The following MALRD1 variants were observed in gnomAD, a reference collection of about 807,000 sequenced individuals.
MALRD1 encodes the protein MAM and LDL receptor class A domain containing 1, also known as MAM and LDL-receptor class A domain-containing protein 1.
In MALRD1, 247 loss-of-function variants were observed where a neutral mutation model predicts 242.1. That is an observed-to-expected ratio of 1.02 (90% CI 0.92 to 1.13). MALRD1 has a LOEUF of 1.13. Among genes scored for constraint, MALRD1 ranks in the 50% most tolerant of loss-of-function variants. The pLI, the probability that MALRD1 is intolerant of heterozygous loss-of-function variation, is 0.00. For missense variants in MALRD1, 2,989 were observed against 2,533.1 expected, an observed-to-expected ratio of 1.18 and a Z score of -3.86; for synonymous variants, 995 against 866.6, an observed-to-expected ratio of 1.15 and a Z score of -2.60.
chr10:19,334,028 G>A lies in MALRD1; in HGVS notation c.3901+2446G>A, dbSNP rs189792323. On this transcript the variant is annotated intron_variant, in intron 24 of 39. Coordinates refer to ENST00000454679, the MANE Select transcript of MALRD1 (RefSeq NM_001142308.3). ...TTGCTGAATTGACTAAATTCTTTAT[G>A]GATTCAGGAAAGTAGACCTTTGTTG... Among the ~76,000 whole-genome samples the A allele has an allele frequency of 3.9e-3, 590 of 150,824 alleles. 7 individuals are homozygous for A. Among genetic ancestry groups the A allele is most frequent in the African/African-American group, 0.013 (550 of 41,110 alleles).
intron 19 of MALRD1, among the ~76,000 whole-genome samples, chr10:19,258,149 T>C (rs1839600882): frequency 6.6e-6 from 1 of 152,160 alleles, no homozygotes; most frequent in Non-Finnish European, 1.5e-5. Context: ...GCACTTTAAA[T>C]ATTTCTAACA....
chr10:19,160,462 T>A (rs570148149), intron 12 of MALRD1, among the ~76,000 whole-genome samples: 3,095 of 64,298 alleles, frequency 0.048, 131 homozygotes, highest in Middle Eastern at 0.089. Context: ...GGTATCAGAA[T>A]GATGCTGGCC....
intron 28 of MALRD1, among the ~76,000 whole-genome samples, chr10:19,444,926 A>G (rs3123149): frequency 0.7 from 106,956 of 152,032 alleles, 37,711 homozygotes; most frequent in Non-Finnish European, 0.74. Context: ...CATTCTCCCC[A>G]TCACTTTCAG....
chr10:19,511,378 T>G (rs1387864022), intron 31 of MALRD1, among the ~76,000 whole-genome samples: 1 of 152,164 alleles, frequency 6.6e-6, no homozygotes, highest in African/African-American at 2.4e-5. Flanking sequence ...CAGTTCCCTT[T>G]AAGATGTCTT....
intron 18 of MALRD1, among the ~76,000 whole-genome samples, chr10:19,227,527 G>T (rs1337797624): frequency 6.6e-6 from 1 of 151,814 alleles, no homozygotes; most frequent in Non-Finnish European, 1.5e-5. Context: ...TTACTGAATA[G>T]GAAAAATTTT....
intron 21 of MALRD1, among the ~76,000 whole-genome samples, chr10:19,306,312 C>T (rs1340155424): frequency 3.8e-5 from 5 of 133,014 alleles, no homozygotes; most frequent in South Asian, 2.3e-4. Flanking sequence ...GTATATATAC[C>T]GTATATAGTA....
intron 33 of MALRD1, among the ~76,000 whole-genome samples, chr10:19,585,623 A>C (rs1238922169): frequency 6.6e-6 from 1 of 151,934 alleles, no homozygotes; most frequent in African/African-American, 2.4e-5. Context: ...TTCCCTTTGT[A>C]GGTAACCCGA....
intron 32 of MALRD1, among the ~76,000 whole-genome samples, chr10:19,563,124 G>A (rs1446650730): frequency 6.6e-6 from 1 of 152,086 alleles, no homozygotes; most frequent in Non-Finnish European, 1.5e-5. Flanking sequence ...TTAATGGATT[G>A]TTTGATCTCT....
At chr10:19,265,793 C>G (rs897797685) in intron 19 of MALRD1, among the ~76,000 whole-genome samples, 39 of 152,162 alleles carry the variant, frequency 2.6e-4, no homozygotes, top group African/African-American at 8.9e-4. Context: ...TCTATATGAT[C>G]TATCCATTGT....
At chr10:19,263,333 C>A (rs540044658) in intron 19 of MALRD1, among the ~76,000 whole-genome samples, 1 of 152,248 alleles carries the variant, frequency 6.6e-6, no homozygotes, top group Admixed American at 6.5e-5. Flanking sequence ...TAATAGACAT[C>A]CTAACAGATG....
intron 26 of MALRD1, among the ~76,000 whole-genome samples, chr10:19,370,701 C>T (rs10827325): frequency 0.57 from 86,641 of 151,674 alleles, 24,933 homozygotes; most frequent in Middle Eastern, 0.62. Flanking sequence ...TCTCAACCTC[C>T]TGGGTACCTG....
chr10:19,595,181 C>CTCTCTT lies in MALRD1; in HGVS notation c.5681-11_5681-6dup. On this transcript the variant is annotated splice_polypyrimidine_tract_variant and intron_variant, in intron 33 of 39. Transcript: ENST00000454679. ...CCTAATGCCAAAATAACTTGACTTG[C>CTCTCTT]TCTCTTTTTTAGGTCCTGTCCCAGT... The CTCTCTT allele has an allele frequency of 6.5e-7, 1 of 1,541,112 alleles. No individual in the cohort carries two copies. The highest frequency in any genetic ancestry group is 8.8e-7 in the Non-Finnish European group (1 of 1,140,482).
intron 8 of MALRD1, among the ~76,000 whole-genome samples, chr10:19,130,107 C>G (rs765133824): frequency 1.3e-5 from 2 of 152,104 alleles, no homozygotes; most frequent in Non-Finnish European, 2.9e-5. Context: ...TTTGTAGTCA[C>G]TGCCCTGCAA....
intron 13 of MALRD1, among the ~76,000 whole-genome samples, chr10:19,171,861 TAC>T (rs1834986400): frequency 7.0e-6 from 1 of 143,824 alleles, no homozygotes; most frequent in Non-Finnish European, 1.5e-5. Context: ...TACATATATA[TAC>T]ATATATACAC....
At chr10:19,568,882 G>A (rs1343266238) in intron 33 of MALRD1, among the ~76,000 whole-genome samples, 1 of 151,938 alleles carries the variant, frequency 6.6e-6, no homozygotes, top group Non-Finnish European at 1.5e-5. Flanking sequence ...GCCAGGCGAT[G>A]GGCTAAGCAT....
intron 9 of MALRD1, among the ~76,000 whole-genome samples, chr10:19,134,225 C>T (rs1413383052): frequency 1.3e-5 from 2 of 152,042 alleles, no homozygotes; most frequent in Non-Finnish European, 2.9e-5. Flanking sequence ...ATGCTGTGCC[C>T]CAGGGAAACA....
chr10:19,599,325 G>A (rs1838245606), intron 34 of MALRD1, among the ~76,000 whole-genome samples: 2 of 152,048 alleles, frequency 1.3e-5, no homozygotes, highest in Admixed American at 6.6e-5. Context: ...AGATAAACCT[G>A]TGAGTTCAAC....
At chr10:19,364,800 G>A (rs1215229935) in intron 26 of MALRD1, among the ~76,000 whole-genome samples, 2 of 152,052 alleles carry the variant, frequency 1.3e-5, no homozygotes, top group Non-Finnish European at 2.9e-5. Flanking sequence ...TTATGTAATA[G>A]GGGTGAGATG....
intron 31 of MALRD1, among the ~76,000 whole-genome samples, chr10:19,525,981 CAT>C (rs1834082176): frequency 6.6e-6 from 1 of 152,096 alleles, no homozygotes; most frequent in Admixed American, 6.6e-5. Flanking sequence ...TTGATCTTTT[CAT>C]AGAGTCATAT....
Sources: allele counts gnomAD v4.1 joint callset (sites outside exome capture counted in the v4.1 genomes callset), GRCh38; gene constraint gnomAD v4.1.1; transcripts MANE v1.5; gene names NCBI Gene and HGNC (gene_info 2026-07-23, HGNC 2026-07-21).